The following IFTAP variants were observed in gnomAD, a reference collection of about 807,000 sequenced individuals.
The protein encoded by IFTAP is intraflagellar transport-associated protein.
A neutral mutation model predicts 19.4 loss-of-function variants in IFTAP; 19 were observed. The observed-to-expected ratio is 0.98, with a 90% CI of 0.68 to 1.44. The LOEUF is 1.44. Ranked by LOEUF, IFTAP falls within the 40% of genes most tolerant of loss-of-function variation. IFTAP has a pLI of 0.00. For synonymous variants in IFTAP, 85 were observed against 83.5 expected (o/e 1.02, Z -0.10); for missense variants, 240 against 253.6 (o/e 0.95, Z 0.36).
chr11:36,628,767 T>G (rs1219520596), intron 2 of IFTAP, among the ~76,000 whole-genome samples: 1 of 151,472 alleles, frequency 6.6e-6, no homozygotes, highest in South Asian at 2.1e-4. Flanking sequence ...TTACTGCTAT[T>G]GTGTCCCTCA....
intron 3 of IFTAP, among the ~76,000 whole-genome samples, chr11:36,634,868 G>C (rs1185041875): frequency 6.6e-6 from 1 of 151,964 alleles, no homozygotes. Context: ...GGTCAGCTGG[G>C]TTCTGGATCT....
chr11:36,615,940 T>G (rs908882964), intron 2 of IFTAP, among the ~76,000 whole-genome samples: 3 of 151,988 alleles, frequency 2.0e-5, no homozygotes, highest in Non-Finnish European at 4.4e-5. Flanking sequence ...TTCTTTTAAT[T>G]GCCTTCCACA....
At chr11:36,649,896 T>C (rs1336495765) in intron 5 of IFTAP, among the ~76,000 whole-genome samples, 4 of 152,156 alleles carry the variant, frequency 2.6e-5, no homozygotes, top group African/African-American at 9.6e-5. Flanking sequence ...TGAACATTCC[T>C]AATGGGAAAA....
At chr11:36,651,611 A>T (rs1185818756) in intron 5 of IFTAP, among the ~76,000 whole-genome samples, 2 of 152,062 alleles carry the variant, frequency 1.3e-5, no homozygotes, top group Non-Finnish European at 2.9e-5. Context: ...GGTGTTTTAG[A>T]CATGAAGTCC....
At chr11:36,644,442 G>A (rs958895690) in intron 4 of IFTAP, among the ~76,000 whole-genome samples, 6 of 152,290 alleles carry the variant, frequency 3.9e-5, no homozygotes, top group East Asian at 1.9e-4. Flanking sequence ...ACAGTGTGGC[G>A]ATTCCTCAAG....
chr11:36,602,913 T>C (rs546981086), intron 1 of IFTAP, among the ~76,000 whole-genome samples: 1 of 152,324 alleles, frequency 6.6e-6, no homozygotes, highest in East Asian at 1.9e-4. Context: ...ATTTGTCTTA[T>C]GAGTATATCC....
At chr11:36,614,821 C>A (rs1381759583) in intron 2 of IFTAP, among the ~76,000 whole-genome samples, 2 of 149,058 alleles carry the variant, frequency 1.3e-5, no homozygotes, top group Non-Finnish European at 3.0e-5. Context: ...GGATATTAGC[C>A]CTTTGTCAGA....
At chr11:36,656,179 G>A (rs993442033) in intron 5 of IFTAP, among the ~76,000 whole-genome samples, 9 of 152,144 alleles carry the variant, frequency 5.9e-5, no homozygotes, top group Non-Finnish European at 8.8e-5. Flanking sequence ...CCGAAATACA[G>A]GCCTTACTTT....
At chr11:36,598,061 C>T (rs1410536957) in intron 1 of IFTAP, 1 of 151,952 alleles carries the variant, frequency 6.6e-6, no homozygotes, top group Non-Finnish European at 1.5e-5. Flanking sequence ...ACATAGGCTC[C>T]CATTTTTTAG....
intron 4 of IFTAP, among the ~76,000 whole-genome samples, chr11:36,643,566 C>T (rs937361123): frequency 5.9e-5 from 9 of 152,166 alleles, no homozygotes; most frequent in African/African-American, 7.2e-5. Context: ...AAGAAGAAAG[C>T]TGGAGGCATC....
chr11:36,601,567 T>G (rs761054636), intron 1 of IFTAP, among the ~76,000 whole-genome samples: 8 of 152,240 alleles, frequency 5.3e-5, no homozygotes, highest in Admixed American at 3.9e-4. Flanking sequence ...AAAAATGTTC[T>G]TGCTAGAAAA....
chr11:36,653,326 A>G (rs993092322), intron 5 of IFTAP, among the ~76,000 whole-genome samples: 4 of 152,162 alleles, frequency 2.6e-5, no homozygotes, highest in African/African-American at 9.6e-5. Flanking sequence ...ATTCCCTGAG[A>G]GGCTACAAAA....
intron 3 of IFTAP, among the ~76,000 whole-genome samples, chr11:36,635,823 C>G (rs1428197713): frequency 6.6e-6 from 1 of 152,136 alleles, no homozygotes; most frequent in African/African-American, 2.4e-5. Flanking sequence ...AGAGGCCTGA[C>G]TATGGTGCCT....
chr11:36,644,831 C>T (rs1199845012), intron 4 of IFTAP, among the ~76,000 whole-genome samples: 1 of 126,530 alleles, frequency 7.9e-6, no homozygotes, highest in Non-Finnish European at 1.6e-5. Context: ...AGGGGAACAT[C>T]ACACACTGGG....
At chr11:36,621,973 A>C (rs1253734136) in intron 2 of IFTAP, among the ~76,000 whole-genome samples, 1 of 152,046 alleles carries the variant, frequency 6.6e-6, no homozygotes. Flanking sequence ...TTGGGGTCTC[A>C]GTTTTAGATT....
chr11:36,614,565 T>A (rs1851998207), intron 2 of IFTAP, among the ~76,000 whole-genome samples: 2 of 148,860 alleles, frequency 1.3e-5, no homozygotes, highest in Admixed American at 6.7e-5. Flanking sequence ...TTTCTCCACA[T>A]CCTCTCCAGC....
chr11:36,655,234 A>G (rs780421036), intron 5 of IFTAP, among the ~76,000 whole-genome samples: 2 of 152,064 alleles, frequency 1.3e-5, no homozygotes, highest in Admixed American at 6.6e-5. Context: ...TCTTATTTCC[A>G]TGGTCTGCTC....
chr11:36,645,795 C>T (rs951737866), intron 4 of IFTAP, among the ~76,000 whole-genome samples: 7 of 151,906 alleles, frequency 4.6e-5, no homozygotes, highest in African/African-American at 9.7e-5. Context: ...ATTCCTGTAA[C>T]GTTTAGTTTT....
At chr11:36,649,362 T>C (rs1198542223) in intron 5 of IFTAP, among the ~76,000 whole-genome samples, 3 of 152,134 alleles carry the variant, frequency 2.0e-5, no homozygotes. Flanking sequence ...AATATGCTTT[T>C]TGAATTATAG....
Sources: allele counts gnomAD v4.1 joint callset (sites outside exome capture counted in the v4.1 genomes callset), GRCh38; gene constraint gnomAD v4.1.1; transcripts MANE v1.5; gene names NCBI Gene and HGNC (gene_info 2026-07-23, HGNC 2026-07-21).